The following DTNA variants were observed in gnomAD, a reference collection of about 807,000 sequenced individuals.
DTNA encodes the protein dystrobrevin alpha, also known as dystrophin-related protein 3.
Under a neutral mutation model 100.7 loss-of-function variants are expected in DTNA, and 43 were observed. The observed-to-expected ratio is 0.43, with a 90% CI of 0.33 to 0.55. The LOEUF is 0.55. DTNA is among the 20% of genes least tolerant of loss of function. The pLI is 0.04. For synonymous variants in DTNA, 349 were observed against 347.9 expected, an observed-to-expected ratio of 1.00 and a Z score of -0.04; for missense variants, 798 against 953.9, an observed-to-expected ratio of 0.84 and a Z score of 2.15.
chr18:34,629,381 T>C (rs2057771707), intron 1 of DTNA, among the ~76,000 whole-genome samples: 1 of 152,228 alleles, frequency 6.6e-6, no homozygotes, highest in Non-Finnish European at 1.5e-5. Context: ...TAAGTGTGGT[T>C]GAGACTTGGG....
intron 1 of DTNA, among the ~76,000 whole-genome samples, chr18:34,701,073 C>T (rs1307796954): frequency 6.6e-6 from 1 of 152,130 alleles, no homozygotes; most frequent in Non-Finnish European, 1.5e-5. Context: ...TGTAGTGGAC[C>T]ACTCAGCAGG....
At chr18:34,749,575 C>T (rs1052539328) in intron 1 of DTNA, among the ~76,000 whole-genome samples, 2 of 151,366 alleles carry the variant, frequency 1.3e-5, no homozygotes, top group Non-Finnish European at 2.9e-5. Context: ...TAAGGGAAAC[C>T]AAATCCCGGA....
chr18:34,668,489 G>C (rs1463709561), intron 1 of DTNA, among the ~76,000 whole-genome samples: 2 of 151,936 alleles, frequency 1.3e-5, no homozygotes, highest in Non-Finnish European at 2.9e-5. Flanking sequence ...GTTTGCTCTT[G>C]TTTCTCTAGT....
intron 1 of DTNA, among the ~76,000 whole-genome samples, chr18:34,752,376 G>C (rs925296570): frequency 1.3e-5 from 2 of 152,210 alleles, no homozygotes; most frequent in African/African-American, 4.8e-5. Flanking sequence ...TTCAAAGGCA[G>C]TGAGAATGTA....
rs1414673823 is a variant in DTNA, at chr18:34,889,614, G to A, written c.*1880G>A. The A allele has an allele frequency of 6.0e-5, 59 of 985,378 alleles. No individual in the cohort carries two copies. The highest frequency in any genetic ancestry group is 1.0e-4 in the African/African-American group (6 of 57,198). The allele number at this position is 985,378 out of a possible 1,614,324, so 61.0% of individuals were successfully genotyped here. A position where few individuals can be genotyped will look rare whatever the true frequency, so the allele number is the denominator to read the frequency against. ...CCCCCTCTGCAGAGGGCGGCTGTAC[G>A]ATGTTCACATGTCTGCGTTTGGTCA... On this transcript the variant is annotated 3_prime_UTR_variant, in exon 23 of 23. Coordinates refer to ENST00000444659, the MANE Select transcript of DTNA (RefSeq NM_001386795.1).
At chr18:34,881,436 G>GTTTTTTTTTTTTT (rs1603350679) in intron 20 of DTNA, among the ~76,000 whole-genome samples, 1 of 68,422 alleles carries the variant, frequency 1.5e-5, no homozygotes, top group Non-Finnish European at 2.8e-5. Flanking sequence ...TAATTAAAAT[G>GTTTTTTTTTTTTT]CTTTTTTTTT....
chr18:34,876,526 T>A (rs900692635), intron 18 of DTNA, among the ~76,000 whole-genome samples: 2 of 152,166 alleles, frequency 1.3e-5, no homozygotes, highest in Non-Finnish European at 2.9e-5. Context: ...CCAATAAATA[T>A]ATGAAAAGAT....
intron 1 of DTNA, among the ~76,000 whole-genome samples, chr18:34,618,074 G>T (rs1433388221): frequency 4.6e-5 from 7 of 152,120 alleles, no homozygotes; most frequent in Admixed American, 4.6e-4. Context: ...CTGGGAGCAG[G>T]TTTAGACATC....
chr18:34,502,414 T>C (rs1351852718), intron 1 of DTNA, among the ~76,000 whole-genome samples: 2 of 152,180 alleles, frequency 1.3e-5, no homozygotes, highest in African/African-American at 4.8e-5. Context: ...AGAAAGATAA[T>C]AATATCTTTT....
At chr18:34,685,576 C>G (rs1040709739) in intron 1 of DTNA, among the ~76,000 whole-genome samples, 1 of 152,162 alleles carries the variant, frequency 6.6e-6, no homozygotes, top group Non-Finnish European at 1.5e-5. Context: ...TACTGTGATA[C>G]CTCCAGCTTT....
chr18:34,722,046 T>A (rs1419205307), intron 1 of DTNA, among the ~76,000 whole-genome samples: 1 of 152,138 alleles, frequency 6.6e-6, no homozygotes, highest in Admixed American at 6.6e-5. Context: ...TTATACTCCT[T>A]CCTAAAATGT....
chr18:34,586,430 C>T (rs1417687009), intron 1 of DTNA, among the ~76,000 whole-genome samples: 2 of 151,212 alleles, frequency 1.3e-5, no homozygotes, highest in African/African-American at 4.9e-5. Flanking sequence ...TTTGCATGGG[C>T]CAGGCTCCCC....
intron 1 of DTNA, among the ~76,000 whole-genome samples, chr18:34,530,830 G>A (rs1318683533): frequency 1.3e-5 from 2 of 152,070 alleles, no homozygotes; most frequent in Non-Finnish European, 2.9e-5. Flanking sequence ...ATTTCCAGAA[G>A]TCCAGCTGAT....
chr18:34,611,821 C>T (rs1313311868), intron 1 of DTNA, among the ~76,000 whole-genome samples: 1 of 152,184 alleles, frequency 6.6e-6, no homozygotes, highest in Non-Finnish European at 1.5e-5. Flanking sequence ...GCTGGTCACT[C>T]ATCTCAAGAG....
intron 1 of DTNA, among the ~76,000 whole-genome samples, chr18:34,618,085 A>G (rs868629298): frequency 3.7e-4 from 56 of 152,280 alleles, no homozygotes; most frequent in African/African-American, 1.3e-3. Context: ...TTTAGACATC[A>G]TCTAGTGAGT....
At chr18:34,769,046 G>A (rs2093631178) in intron 3 of DTNA, among the ~76,000 whole-genome samples, 1 of 152,050 alleles carries the variant, frequency 6.6e-6, no homozygotes, top group South Asian at 2.1e-4. Flanking sequence ...TGTATTTCAG[G>A]ATGAGAAAAG....
intron 1 of DTNA, among the ~76,000 whole-genome samples, chr18:34,561,398 G>A (rs976375795): frequency 1.3e-5 from 2 of 152,002 alleles, no homozygotes; most frequent in African/African-American, 2.4e-5. Context: ...TTTAAAACAC[G>A]TGCTGTAGTG....
intron 1 of DTNA, among the ~76,000 whole-genome samples, chr18:34,738,699 AG>A (rs1466910539): frequency 6.6e-6 from 1 of 152,162 alleles, no homozygotes; most frequent in Non-Finnish European, 1.5e-5. Context: ...TGTCTGATAG[AG>A]GACAGCGCGT....
At chr18:34,655,123 G>A (rs778444279) in intron 1 of DTNA, among the ~76,000 whole-genome samples, 3 of 152,026 alleles carry the variant, frequency 2.0e-5, no homozygotes, top group East Asian at 1.9e-4. Context: ...TATGATATTC[G>A]ATTATTAAAT....
Sources: gnomAD v4.1 joint callset for allele counts (sites outside exome capture counted in the v4.1 genomes callset) on GRCh38, gnomAD v4.1.1 for gene constraint, MANE v1.5 for transcripts, NCBI Gene and HGNC (gene_info 2026-07-23, HGNC 2026-07-21) for gene names.